Variants in MMP16 observed in about 807,000 individuals in gnomAD.
MMP16 encodes the protein matrix metalloproteinase-16.
A neutral mutation model predicts 67.8 loss-of-function variants in MMP16; 12 were observed. That is an observed-to-expected ratio of 0.18 (90% CI 0.11 to 0.29). The LOEUF (loss-of-function observed/expected upper bound fraction) is 0.29, where lower values mean the gene tolerates loss of function less well. Ranked by LOEUF, MMP16 falls within the 10% of genes least tolerant of loss-of-function variation. MMP16 has a pLI of 1.00. For synonymous variants in MMP16, 249 were observed against 255.9 expected, an observed-to-expected ratio of 0.97 and a Z score of 0.26; for missense variants, 475 against 765.7, an observed-to-expected ratio of 0.62 and a Z score of 4.48.
intron 3 of MMP16, among the ~76,000 whole-genome samples, chr8:88,176,225 T>C (rs6981717): frequency 0.3 from 45,356 of 152,108 alleles, 6,970 homozygotes; most frequent in Middle Eastern, 0.35. Context: ...GCTGTGTTTA[T>C]CAATGACCTG....
chr8:88,130,279 A>G (rs1563540436), intron 4 of MMP16, among the ~76,000 whole-genome samples: 2 of 151,840 alleles, frequency 1.3e-5, no homozygotes, highest in Non-Finnish European at 2.9e-5. Flanking sequence ...ATAGACGTGT[A>G]CATGGCACAT....
intron 5 of MMP16, 44 bp from the exon 6 acceptor site, chr8:88,116,762 A>T (rs368517873): frequency 1.3e-6 from 2 of 1,536,730 alleles, no homozygotes; most frequent in Non-Finnish European, 1.8e-6. Flanking sequence ...TTAAAACTGG[A>T]ATAGAGCTGG....
At chr8:88,112,680 T>TGTGTGTGTGTGTGTGA in intron 6 of MMP16, among the ~76,000 whole-genome samples, 1 of 149,682 alleles carries the variant, frequency 6.7e-6, no homozygotes, top group East Asian at 2.0e-4. Flanking sequence ...TGTGTGTGTG[T>TGTGTGTGTGTGTGTGA]GTGTCTGTGT....
chr8:88,157,323 T>C (rs1194709036), intron 4 of MMP16, among the ~76,000 whole-genome samples: 1 of 151,978 alleles, frequency 6.6e-6, no homozygotes, highest in Non-Finnish European at 1.5e-5. Context: ...AGGCTAAAGA[T>C]GACTTAAAAC....
At chr8:88,182,720 G>T (rs1809001177) in intron 3 of MMP16, among the ~76,000 whole-genome samples, 1 of 152,078 alleles carries the variant, frequency 6.6e-6, no homozygotes, top group Non-Finnish European at 1.5e-5. Context: ...TTATCCAAAT[G>T]AGTTAAAAAT....
At chr8:88,062,594 G>A (rs1463224917) in intron 7 of MMP16, among the ~76,000 whole-genome samples, 3 of 151,926 alleles carry the variant, frequency 2.0e-5, no homozygotes, top group Non-Finnish European at 4.4e-5. Flanking sequence ...ACTCATAGGT[G>A]GGAATTGAAC....
intron 2 of MMP16, among the ~76,000 whole-genome samples, chr8:88,189,928 T>C (rs1359121361): frequency 6.6e-6 from 1 of 152,188 alleles, no homozygotes; most frequent in East Asian, 1.9e-4. Flanking sequence ...CCTAGTGAAG[T>C]CGCCAATAAG....
intron 6 of MMP16, among the ~76,000 whole-genome samples, chr8:88,113,988 G>A (rs1809385328): frequency 6.6e-6 from 1 of 151,832 alleles, no homozygotes; most frequent in African/African-American, 2.4e-5. Context: ...AAGTTTAGTG[G>A]GGAAAACATA....
intron 1 of MMP16, among the ~76,000 whole-genome samples, chr8:88,235,686 G>A (rs7824367): frequency 0.72 from 109,805 of 151,966 alleles, 42,116 homozygotes; most frequent in Non-Finnish European, 0.88. Flanking sequence ...TAGCTCTTTC[G>A]GAGAGGGGGT....
intron 1 of MMP16, among the ~76,000 whole-genome samples, chr8:88,257,219 T>C (rs1810316991): frequency 6.6e-6 from 1 of 152,172 alleles, no homozygotes; most frequent in Non-Finnish European, 1.5e-5. Flanking sequence ...TCAACAAACA[T>C]GTTGAGACAG....
chr8:88,262,869 AAAAAAAT>A (rs1313283262), intron 1 of MMP16, among the ~76,000 whole-genome samples: 4 of 142,628 alleles, frequency 2.8e-5, no homozygotes, highest in African/African-American at 1.1e-4. Flanking sequence ...AAAAAAAAAA[AAAAAAAT>A]TAGCCGAGCG....
rs547358060 is a variant in MMP16 at position 88,185,143 on chromosome 8, T to C, written c.404+1333A>G. On this transcript the variant is annotated intron_variant, in intron 3 of 9. Transcript: ENST00000286614. ...GATCATGCTGTGTGAGAAGACAGCA[T>C]AAAAATATACAAGAAGACAGAAAAG... Among the ~76,000 whole-genome samples the C allele has an allele frequency of 2.0e-5, 3 of 152,090 alleles. No homozygotes were observed. In the East Asian group the frequency reaches 5.8e-4, roughly 29 times the overall value.
intron 1 of MMP16, among the ~76,000 whole-genome samples, chr8:88,295,265 G>C (rs994835123): frequency 6.6e-5 from 10 of 152,230 alleles, no homozygotes; most frequent in East Asian, 1.9e-4. Flanking sequence ...TAGAAGAAAT[G>C]TTCTAAACCA....
chr8:88,315,104 T>G (rs1458329893), intron 1 of MMP16, among the ~76,000 whole-genome samples: 1 of 152,182 alleles, frequency 6.6e-6, no homozygotes, highest in Non-Finnish European at 1.5e-5. Flanking sequence ...TTTTGTCCAT[T>G]TTTTGGGATG....
At chr8:88,176,108 C>T (rs1265572806) in intron 3 of MMP16, among the ~76,000 whole-genome samples, 2 of 152,176 alleles carry the variant, frequency 1.3e-5, no homozygotes, top group Non-Finnish European at 2.9e-5. Context: ...CACCGGGACA[C>T]TAAGATTTAG....
chr8:88,230,666 A>C (rs1809845531), intron 1 of MMP16, among the ~76,000 whole-genome samples: 1 of 152,116 alleles, frequency 6.6e-6, no homozygotes. Context: ...TCAACCATAC[A>C]TAAGCTATTT....
chr8:88,184,630 C>CCAG (rs1281705588), intron 3 of MMP16, among the ~76,000 whole-genome samples: 1 of 136,482 alleles, frequency 7.3e-6, no homozygotes, highest in Admixed American at 7.9e-5. Context: ...ACCTATAATC[C>CCAG]CAGCTACTCA....
chr8:88,294,179 T>C (rs1810967936), intron 1 of MMP16, among the ~76,000 whole-genome samples: 1 of 151,158 alleles, frequency 6.6e-6, no homozygotes, highest in Non-Finnish European at 1.5e-5. Flanking sequence ...TAATTATATA[T>C]GTCTATATAT....
intron 1 of MMP16, among the ~76,000 whole-genome samples, chr8:88,281,918 C>T (rs576728073): frequency 2.1e-4 from 32 of 152,242 alleles, no homozygotes; most frequent in African/African-American, 6.5e-4. Context: ...TCCACAAGCC[C>T]CATCCACAAG....
Sources: gnomAD v4.1 joint callset for allele counts (sites outside exome capture counted in the v4.1 genomes callset) on GRCh38, gnomAD v4.1.1 for gene constraint, MANE v1.5 for transcripts, NCBI Gene and HGNC (gene_info 2026-07-23, HGNC 2026-07-21) for gene names.